The following DOK6 variants were observed in gnomAD, a reference collection of about 807,000 sequenced individuals.
The protein encoded by DOK6 is docking protein 6.
In DOK6, 22 loss-of-function variants were observed where a neutral mutation model predicts 44.0. The observed-to-expected ratio is 0.50, with a 90% CI of 0.36 to 0.71. DOK6 has a LOEUF of 0.71. DOK6 is among the 30% of genes least tolerant of loss of function. The pLI is 0.00. For missense variants in DOK6, 340 were observed against 416.4 expected (o/e 0.82, Z 1.60); for synonymous variants, 166 against 145.5 (o/e 1.14, Z -1.01).
intron 7 of DOK6, among the ~76,000 whole-genome samples, chr18:69,781,106 T>A (rs559312071): frequency 7.7e-4 from 117 of 152,304 alleles, no homozygotes; most frequent in Non-Finnish European, 1.3e-3. Context: ...ATTCCAAAAT[T>A]CAACTGCTCA....
At chr18:69,602,918 AATG>A (rs1355896002) in intron 3 of DOK6, among the ~76,000 whole-genome samples, 2 of 152,246 alleles carry the variant, frequency 1.3e-5, no homozygotes, top group African/African-American at 2.4e-5. Context: ...ATGCTTTCAG[AATG>A]ATGAAGTGAT....
intron 4 of DOK6, among the ~76,000 whole-genome samples, chr18:69,697,786 G>T (rs372500024): frequency 2.3e-4 from 35 of 152,282 alleles, no homozygotes; most frequent in African/African-American, 8.4e-4. Flanking sequence ...AAAAAGTTAA[G>T]TATTTTTATT....
chr18:69,599,215 A>T (rs1198940437), intron 2 of DOK6, among the ~76,000 whole-genome samples, 169 bp from the exon 3 acceptor site: 1 of 152,180 alleles, frequency 6.6e-6, no homozygotes. Context: ...GGCATAATAG[A>T]AGACATTTTG....
chr18:69,551,455 T>G (rs1284065614), intron 1 of DOK6, among the ~76,000 whole-genome samples: 1 of 152,346 alleles, frequency 6.6e-6, no homozygotes, highest in Non-Finnish European at 1.5e-5. Context: ...AATATCTTGA[T>G]TATCATGTAG....
chr18:69,681,494 C>A (rs1266595109), intron 4 of DOK6, among the ~76,000 whole-genome samples: 1 of 152,130 alleles, frequency 6.6e-6, no homozygotes, highest in East Asian at 1.9e-4. Flanking sequence ...GACCCAGAAT[C>A]CCACATGGTA....
chr18:69,509,625 T>A (rs759592381), intron 1 of DOK6, among the ~76,000 whole-genome samples: 55 of 114,176 alleles, frequency 4.8e-4, no homozygotes, highest in Middle Eastern at 9.4e-3. Context: ...GCAACAGAGC[T>A]AGGCTCTGTC....
At chr18:69,779,678 T>A (rs561338790) in intron 7 of DOK6, among the ~76,000 whole-genome samples, 6 of 137,764 alleles carry the variant, frequency 4.4e-5, no homozygotes, top group Non-Finnish European at 9.5e-5. Flanking sequence ...ATAGGAGAGG[T>A]CTCTCTGCCC....
chr18:69,412,969 TG>T (rs1978312724), intron 1 of DOK6, among the ~76,000 whole-genome samples: 1 of 152,116 alleles, frequency 6.6e-6, no homozygotes, highest in Admixed American at 6.6e-5. Flanking sequence ...ACTGGATCAA[TG>T]TAATGACACA....
intron 7 of DOK6, among the ~76,000 whole-genome samples, chr18:69,822,556 C>T (rs1217611727): frequency 6.6e-6 from 1 of 152,184 alleles, no homozygotes; most frequent in Non-Finnish European, 1.5e-5. Context: ...GGCAATAATC[C>T]AGCCTGACAT....
At chr18:69,621,841 A>C (rs1295989281) in intron 3 of DOK6, among the ~76,000 whole-genome samples, 1 of 152,202 alleles carries the variant, frequency 6.6e-6, no homozygotes, top group Non-Finnish European at 1.5e-5. Context: ...AATAAAAGAC[A>C]CACATTTATT....
Position 69,655,779 on chromosome 18 carries a change from AAAAAC to A in DOK6, c.290-21950_290-21946del, listed in dbSNP as rs1307202034. On this transcript the variant is annotated intron_variant, in intron 3 of 7. Transcript: ENST00000382713. Reference sequence around the variant, plus strand: ...CACCCCTCAAAAAAAAAAAAAAAAAAAAAACAAAAGAACAAAGCATAAAATATGAA... The same window carrying A: ...CACCCCTCAAAAAAAAAAAAAAAAAAAAAAGAACAAAGCATAAAATATGAA... Among the ~76,000 whole-genome samples the A allele has an allele frequency of 4.9e-3, 692 of 140,442 alleles. 21 individuals carry two copies. Among genetic ancestry groups the A allele is most frequent in the Non-Finnish European group, 6.9e-3 (453 of 66,126 alleles). The allele number at this position is 140,442 out of a possible 152,430, so 92.1% of individuals were successfully genotyped here.
chr18:69,773,234 C>T, intron 7 of DOK6, among the ~76,000 whole-genome samples: 1 of 151,852 alleles, frequency 6.6e-6, no homozygotes, highest in Non-Finnish European at 1.5e-5. Flanking sequence ...CTCTTGTACA[C>T]CATTGATGGG....
intron 1 of DOK6, among the ~76,000 whole-genome samples, chr18:69,515,893 C>T (rs1225500608): frequency 3.5e-5 from 4 of 115,420 alleles, no homozygotes; most frequent in Non-Finnish European, 8.3e-5. Flanking sequence ...AGCATGCAAA[C>T]AGATCTGAAT....
intron 7 of DOK6, among the ~76,000 whole-genome samples, chr18:69,780,017 A>C (rs1279193571): frequency 6.6e-6 from 1 of 152,182 alleles, no homozygotes; most frequent in Non-Finnish European, 1.5e-5. Flanking sequence ...AAATAACTAT[A>C]ATTATATAAA....
At chr18:69,779,689 CGTGTGTGTGT>C (rs58775349) in intron 7 of DOK6, among the ~76,000 whole-genome samples, 2 of 146,874 alleles carry the variant, frequency 1.4e-5, no homozygotes, top group Admixed American at 6.8e-5. Flanking sequence ...CTCTCTGCCC[CGTGTGTGTGT>C]GTGTGTGTGT....
intron 5 of DOK6, among the ~76,000 whole-genome samples, chr18:69,734,965 C>T (rs1978554190): frequency 6.6e-6 from 1 of 152,176 alleles, no homozygotes; most frequent in Non-Finnish European, 1.5e-5. Flanking sequence ...TAGTTCAATG[C>T]TAGTAATATT....
intron 1 of DOK6, chr18:69,532,922 A>G (rs1982025129): frequency 6.6e-6 from 1 of 152,190 alleles, no homozygotes; most frequent in Admixed American, 6.5e-5. Context: ...TCAGTGGTGG[A>G]TAAATTTTTG....
At chr18:69,827,418 A>G (rs1324957135) in intron 7 of DOK6, among the ~76,000 whole-genome samples, 9 of 152,076 alleles carry the variant, frequency 5.9e-5, no homozygotes, top group Admixed American at 5.2e-4. Context: ...TTTGTTCCTG[A>G]TGATCAGAAT....
At chr18:69,637,581 A>T (rs1470375364) in intron 3 of DOK6, among the ~76,000 whole-genome samples, 1 of 152,200 alleles carries the variant, frequency 6.6e-6, no homozygotes, top group Non-Finnish European at 1.5e-5. Context: ...ATTAGTGTTC[A>T]AAGAATTTTG....
Sources: gnomAD v4.1 joint callset for allele counts (sites outside exome capture counted in the v4.1 genomes callset) on GRCh38, gnomAD v4.1.1 for gene constraint, MANE v1.5 for transcripts, NCBI Gene and HGNC (gene_info 2026-07-23, HGNC 2026-07-21) for gene names.